The following OPCML variants were observed in gnomAD, a reference collection of about 807,000 sequenced individuals.
OPCML encodes opioid-binding protein/cell adhesion molecule.
OPCML carries 13 observed loss-of-function variants against 37.8 expected under a neutral mutation model. The ratio of observed to expected loss-of-function variants is 0.34; its 90% CI spans 0.22 to 0.55. OPCML has a LOEUF of 0.55. Among genes scored for constraint, OPCML ranks in the 20% least tolerant of loss-of-function variants. OPCML has a pLI of 0.91. For missense variants in OPCML, 341 were observed against 435.6 expected (o/e 0.78, Z 1.93); for synonymous variants, 176 against 168.8 (o/e 1.04, Z -0.33).
At chr11:133,078,693 G>GAT (rs1948660771) in intron 1 of OPCML, among the ~76,000 whole-genome samples, 1 of 152,040 alleles carries the variant, frequency 6.6e-6, no homozygotes, top group Non-Finnish European at 1.5e-5. Context: ...ATGCACCACG[G>GAT]GCAGCTCCCT....
chr11:132,711,135 A>G (rs1215889406), intron 2 of OPCML, among the ~76,000 whole-genome samples: 1 of 152,196 alleles, frequency 6.6e-6, no homozygotes, highest in Non-Finnish European at 1.5e-5. Flanking sequence ...TAATGTGGGT[A>G]AAACAAAGGA....
intron 2 of OPCML, chr11:132,860,669 G>A (rs940580770): frequency 7.2e-5 from 11 of 152,122 alleles, no homozygotes; most frequent in African/African-American, 9.7e-5. Context: ...AGCAGGAAAC[G>A]CAAAAGGTAG....
intron 3 of OPCML, among the ~76,000 whole-genome samples, chr11:132,647,679 T>C (rs1941224051): frequency 6.6e-6 from 1 of 151,922 alleles, no homozygotes; most frequent in African/African-American, 2.4e-5. Flanking sequence ...TTGAGTAGGC[T>C]GAGGAGGAGG....
chr11:132,600,278 G>A (rs1461294840), intron 3 of OPCML, among the ~76,000 whole-genome samples: 2 of 152,182 alleles, frequency 1.3e-5, no homozygotes, highest in Non-Finnish European at 2.9e-5. Flanking sequence ...CACTCACTCG[G>A]GTGGATATCT....
At position 133,338,298 on chromosome 11, in the gene OPCML, A is replaced by G. The variant is rs532150620; in HGVS notation, c.61+193966T>C. On this transcript the variant is annotated intron_variant, in intron 1 of 7. Transcript: ENST00000524381. The stretch of plus-strand genomic sequence containing the variant: ...CCACTGGCTCTCTTGCTACAAAAGC[A>G]AGCACCTGTTTCATCATCCTGGGCC... Among the ~76,000 whole-genome samples the G allele has an allele frequency of 5.9e-5, 9 of 152,254 alleles. No homozygotes were observed. The South Asian group carries it at 1.9e-3, about 32-fold the overall frequency.
rs2095948606 is a variant in OPCML at position 132,419,122 on chromosome 11, T to A, written c.*1071A>T. ...TGAGATCGTTGGCTTTCACAGAAGT[T>A]GAAAGATAATTTTGAAGATGCCAAT... is the stretch of plus-strand genomic sequence containing the variant. On this transcript the variant is annotated 3_prime_UTR_variant, in exon 8 of 8. Transcript: ENST00000524381. The A allele has an allele frequency of 6.6e-6, 1 of 152,612 alleles. No individual in the cohort carries two copies. The highest frequency in any genetic ancestry group is 1.9e-4 in the East Asian group (1 of 5,192). 9.5% of individuals were successfully genotyped at this position (152,612 alleles called of 1,614,324 possible).
At chr11:133,400,682 T>C (rs1945383948) in intron 1 of OPCML, among the ~76,000 whole-genome samples, 5 of 152,286 alleles carry the variant, frequency 3.3e-5, no homozygotes, top group Admixed American at 2.0e-4. Context: ...TAAAGGGAAG[T>C]GATATTCTCA....
At chr11:132,562,515 A>T (rs2096412795) in intron 3 of OPCML, among the ~76,000 whole-genome samples, 1 of 152,178 alleles carries the variant, frequency 6.6e-6, no homozygotes, top group Admixed American at 6.5e-5. Flanking sequence ...CTGGGTTAGA[A>T]TTATAAAGCA....
At chr11:132,603,105 A>C (rs1938036904) in intron 3 of OPCML, among the ~76,000 whole-genome samples, 1 of 152,108 alleles carries the variant, frequency 6.6e-6, no homozygotes, top group African/African-American at 2.4e-5. Flanking sequence ...TTTGCTCTTC[A>C]TCTGGGTGCC....
intron 1 of OPCML, among the ~76,000 whole-genome samples, chr11:133,127,381 C>T (rs1949532813): frequency 1.3e-5 from 2 of 152,114 alleles, no homozygotes; most frequent in South Asian, 4.2e-4. Context: ...CTGGTCATCT[C>T]CCAGCTACTC....
chr11:132,808,989 C>G (rs1425911057), intron 2 of OPCML, among the ~76,000 whole-genome samples: 1 of 150,646 alleles, frequency 6.6e-6, no homozygotes, highest in Non-Finnish European at 1.5e-5. Context: ...TCGGTGGGGG[C>G]GGGGGGGTTG....
At chr11:132,626,323 T>G (rs1234356795) in intron 3 of OPCML, among the ~76,000 whole-genome samples, 4 of 151,884 alleles carry the variant, frequency 2.6e-5, no homozygotes, top group Non-Finnish European at 5.9e-5. Flanking sequence ...ACTCTCAGCC[T>G]ATTCAAGGCA....
Position 132,417,859 on chromosome 11 carries a change from G to A in OPCML, c.*2334C>T, listed in dbSNP as rs1414121844. ...TTGCGCCTGCTCATGATCATCCCTG[G>A]AACTGGGAATCAATGCACCATTCCT... On this transcript the variant is annotated 3_prime_UTR_variant, in exon 8 of 8. Coordinates refer to ENST00000524381, the MANE Select transcript of OPCML (RefSeq NM_001012393.5). The A allele has an allele frequency of 1.3e-5, 2 of 152,266 alleles. No individual in the cohort carries two copies. The highest frequency in any genetic ancestry group is 4.8e-5 in the African/African-American group (2 of 41,540). The allele number at this position is 152,266 out of a possible 1,614,324, so 9.4% of individuals were successfully genotyped here.
At chr11:132,633,455 G>T (rs551689820) in intron 3 of OPCML, among the ~76,000 whole-genome samples, 1 of 152,230 alleles carries the variant, frequency 6.6e-6, no homozygotes, top group East Asian at 1.9e-4. Context: ...GAAATTAAAA[G>T]CCGGGAATGT....
At chr11:133,342,334 A>G (rs1480994397) in intron 1 of OPCML, among the ~76,000 whole-genome samples, 1 of 152,222 alleles carries the variant, frequency 6.6e-6, no homozygotes, top group African/African-American at 2.4e-5. Context: ...CTCCATGAGC[A>G]CAGGAAACAC....
chr11:133,068,695 A>G (rs1948477487), intron 1 of OPCML, among the ~76,000 whole-genome samples: 1 of 152,194 alleles, frequency 6.6e-6, no homozygotes, highest in Non-Finnish European at 1.5e-5. Context: ...AATGCTGGAG[A>G]TATTTTTCAG....
chr11:132,955,939 T>C (rs1316475704), intron 1 of OPCML, among the ~76,000 whole-genome samples: 2 of 152,192 alleles, frequency 1.3e-5, no homozygotes, highest in African/African-American at 4.8e-5. Context: ...CATTCATTGC[T>C]GTATTACCAG....
intron 1 of OPCML, among the ~76,000 whole-genome samples, chr11:132,996,453 C>CT (rs1440378024): frequency 1.5e-5 from 2 of 130,598 alleles, no homozygotes; most frequent in African/African-American, 5.9e-5. Flanking sequence ...CCCATCTCTA[C>CT]TAAAAAAAAA....
At chr11:133,031,838 A>G (rs1947679975) in intron 1 of OPCML, among the ~76,000 whole-genome samples, 1 of 152,178 alleles carries the variant, frequency 6.6e-6, no homozygotes, top group African/African-American at 2.4e-5. Flanking sequence ...CTTTCAAATG[A>G]GCACTTCAAG....
Sources: allele counts gnomAD v4.1 joint callset (sites outside exome capture counted in the v4.1 genomes callset), GRCh38; gene constraint gnomAD v4.1.1; transcripts MANE v1.5; gene names NCBI Gene and HGNC (gene_info 2026-07-23, HGNC 2026-07-21).